SMYD3: variants seen among roughly 807,000 people sequenced by gnomAD.
SMYD3 encodes the protein SET and MYND domain containing 3.
SMYD3 carries 36 observed loss-of-function variants against 57.7 expected under a neutral mutation model. The ratio of observed to expected loss-of-function variants is 0.62; its 90% CI spans 0.48 to 0.82. SMYD3 has a LOEUF of 0.82. SMYD3 is among the 40% of genes least tolerant of loss of function. The pLI, the probability that SMYD3 is intolerant of heterozygous loss-of-function variation, is 0.00. For missense variants in SMYD3, 515 were observed against 538.8 expected (o/e 0.96, Z 0.44); for synonymous variants, 211 against 195.0 (o/e 1.08, Z -0.68).
chr1:246,070,360 T>A (rs2060421960), intron 5 of SMYD3, among the ~76,000 whole-genome samples: 1 of 152,198 alleles, frequency 6.6e-6, no homozygotes. Flanking sequence ...ACTCTCTTGG[T>A]GTTTTAGCCA....
intron 10 of SMYD3, among the ~76,000 whole-genome samples, chr1:245,805,752 C>T (rs1450171811): frequency 2.2e-5 from 3 of 138,992 alleles, no homozygotes; most frequent in East Asian, 3.9e-4. Context: ...GTACTGTCCC[C>T]ATTCAGACTG....
chr1:246,125,035 G>A (rs1002520553), intron 5 of SMYD3, among the ~76,000 whole-genome samples: 13 of 146,674 alleles, frequency 8.9e-5, no homozygotes, highest in African/African-American at 3.0e-4. Flanking sequence ...TCGCGCCACT[G>A]CACTCCAGCC....
intron 5 of SMYD3, chr1:245,953,275 A>G: frequency 3.0e-6 from 3 of 1,000,126 alleles, no homozygotes; most frequent in Non-Finnish European, 3.6e-6. Flanking sequence ...TACATTGGGA[A>G]ACTTCACTGC....
intron 5 of SMYD3, among the ~76,000 whole-genome samples, chr1:246,295,262 C>G (rs1323846663): frequency 6.6e-6 from 1 of 152,126 alleles, no homozygotes; most frequent in Non-Finnish European, 1.5e-5. Flanking sequence ...TACTTAGTAT[C>G]TCTTACAGAT....
At chr1:245,902,379 T>C (rs1217158391) in intron 8 of SMYD3, among the ~76,000 whole-genome samples, 3 of 152,144 alleles carry the variant, frequency 2.0e-5, no homozygotes, top group African/African-American at 4.8e-5. Context: ...TGTACATGCC[T>C]TCAGGGGACC....
At chr1:245,996,868 T>C (rs1261983089) in intron 5 of SMYD3, among the ~76,000 whole-genome samples, 1 of 152,194 alleles carries the variant, frequency 6.6e-6, no homozygotes, top group East Asian at 1.9e-4. Flanking sequence ...GCTTTACACT[T>C]CCTCCATCTC....
intron 10 of SMYD3, among the ~76,000 whole-genome samples, chr1:245,810,223 T>C (rs2048384604): frequency 1.3e-5 from 2 of 152,136 alleles, no homozygotes; most frequent in Admixed American, 6.5e-5. Context: ...GTGAGGCCTC[T>C]CACCCAACAG....
chr1:246,126,556 A>C (rs2061512634), intron 5 of SMYD3, among the ~76,000 whole-genome samples: 1 of 152,214 alleles, frequency 6.6e-6, no homozygotes, highest in Admixed American at 6.5e-5. Context: ...TCATTGTGAA[A>C]AATCATGTCG....
At chr1:246,148,118 C>T (rs376743479) in intron 5 of SMYD3, among the ~76,000 whole-genome samples, 10 of 152,156 alleles carry the variant, frequency 6.6e-5, no homozygotes, top group Non-Finnish European at 1.3e-4. Context: ...GCCAGGATGC[C>T]AGTCCGGGAC....
intron 5 of SMYD3, among the ~76,000 whole-genome samples, chr1:246,300,208 T>A (rs755043422): frequency 4.6e-5 from 7 of 152,160 alleles, no homozygotes; most frequent in Non-Finnish European, 7.4e-5. Context: ...TTCTCATTTG[T>A]GCTTTTACTT....
chr1:245,865,304 A>G (rs1441906940), intron 8 of SMYD3, among the ~76,000 whole-genome samples: 1 of 152,194 alleles, frequency 6.6e-6, no homozygotes, highest in African/African-American at 2.4e-5. Context: ...AGGCAATGAG[A>G]GGGCACACTG....
At chr1:245,802,138 A>T (rs375066174) in intron 10 of SMYD3, among the ~76,000 whole-genome samples, 3 of 152,308 alleles carry the variant, frequency 2.0e-5, no homozygotes, top group East Asian at 3.9e-4. Context: ...TCTATTTTAT[A>T]ATTACTTATT....
intron 5 of SMYD3, among the ~76,000 whole-genome samples, chr1:246,072,181 T>C (rs2060464360): frequency 8.4e-6 from 1 of 118,384 alleles, no homozygotes; most frequent in Non-Finnish European, 2.0e-5. Context: ...TGCATCCTGT[T>C]AGTTCGGGGG....
At chr1:245,763,195 C>A (rs56112986) in intron 11 of SMYD3, among the ~76,000 whole-genome samples, 12,739 of 152,258 alleles carry the variant, frequency 0.084, 772 homozygotes, top group East Asian at 0.32. Flanking sequence ...TATTCACTGA[C>A]CTCCTTCGCT....
In SMYD3 at chr1:246,420,489, C is replaced by T. The variant is rs943353476; in HGVS notation, c.165-65395G>A. 3.6e-4 allele frequency among the ~76,000 whole-genome samples: 55 copies of T among 152,154 alleles called. 1 individual carries two copies. The highest frequency in any genetic ancestry group is 1.3e-3 in the African/African-American group (53 of 41,426). The stretch of plus-strand genomic sequence containing the variant: ...GCTGAAATCATCATCATCCAAGGTT[C>T]GTTTGTAAATAATTTAACAGTTTGG... On this transcript the variant is annotated intron_variant, in intron 1 of 11. Transcript: ENST00000490107.
At chr1:246,465,273 G>T (rs1192531539) in intron 1 of SMYD3, among the ~76,000 whole-genome samples, 1 of 152,168 alleles carries the variant, frequency 6.6e-6, no homozygotes, top group African/African-American at 2.4e-5. Context: ...GCAGGAGATG[G>T]TATTCTACAA....
intron 7 of SMYD3, among the ~76,000 whole-genome samples, chr1:245,921,549 G>GTATGTATATATATATATATATATATA (rs1491329999): frequency 7.1e-6 from 1 of 141,324 alleles, no homozygotes; most frequent in South Asian, 2.6e-4. Flanking sequence ...AAAATGTGGT[G>GTATGTATATATATATATATATATATA]TATATATATA....
At chr1:245,993,186 C>A (rs10924432) in intron 5 of SMYD3, among the ~76,000 whole-genome samples, 1 of 151,682 alleles carries the variant, frequency 6.6e-6, no homozygotes, top group African/African-American at 2.4e-5. Flanking sequence ...TCATCATAAC[C>A]CTCTGAGGTG....
At chr1:246,228,027 G>C (rs1007991380) in intron 5 of SMYD3, among the ~76,000 whole-genome samples, 3 of 137,598 alleles carry the variant, frequency 2.2e-5, no homozygotes, top group Non-Finnish European at 4.6e-5. Flanking sequence ...ACAGAGTGCA[G>C]TGGCAGATCT....
Sources: allele counts gnomAD v4.1 joint callset (sites outside exome capture counted in the v4.1 genomes callset), GRCh38; gene constraint gnomAD v4.1.1; transcripts MANE v1.5; gene names NCBI Gene and HGNC (gene_info 2026-07-23, HGNC 2026-07-21).